Variants in CEP85L observed in about 807,000 individuals in gnomAD.
CEP85L encodes the protein centrosomal protein of 85 kDa-like.
CEP85L carries 60 observed loss-of-function variants against 100.3 expected under a neutral mutation model. The ratio of observed to expected loss-of-function variants is 0.60; its 90% CI spans 0.49 to 0.74. CEP85L has a LOEUF of 0.74. Ranked by LOEUF, CEP85L falls within the 30% of genes least tolerant of loss-of-function variation. CEP85L has a pLI of 0.00. For missense variants in CEP85L, 973 were observed against 936.2 expected, an observed-to-expected ratio of 1.04 and a Z score of -0.51; for synonymous variants, 319 against 322.7, an observed-to-expected ratio of 0.99 and a Z score of 0.12.
intron 1 of CEP85L, chr6:118,664,437 G>T (rs1242810595): frequency 1.3e-5 from 2 of 152,514 alleles, no homozygotes; most frequent in Non-Finnish European, 2.9e-5. Flanking sequence ...AGGAAGGGGA[G>T]ATCTGTCAGG....
intron 1 of CEP85L, among the ~76,000 whole-genome samples, chr6:118,709,556 TGAGAGAGA>T (rs150548831): frequency 7.0e-6 from 1 of 142,222 alleles, no homozygotes; most frequent in African/African-American, 2.8e-5. Context: ...TGTGTGTGTG[TGAGAGAGA>T]GAGAGAGAGA....
chr6:118,492,262 TAAA>T (rs1333432046), intron 5 of CEP85L, among the ~76,000 whole-genome samples: 1 of 152,028 alleles, frequency 6.6e-6, no homozygotes, highest in African/African-American at 2.4e-5. Context: ...AGTAAATAAA[TAAA>T]AACTAAAGAA....
At position 118,490,748 on chromosome 6, in the gene CEP85L, A is replaced by C. The variant is rs187966853; in HGVS notation, c.1437+938T>G. 2.6e-5 allele frequency among the ~76,000 whole-genome samples: 4 copies of C among 152,296 alleles called. No individual in the cohort carries two copies. The Middle Eastern group carries it at 0.01, about 389-fold the overall frequency. On this transcript the variant is annotated intron_variant, in intron 6 of 12. Transcript: ENST00000368491. The stretch of plus-strand genomic sequence containing the variant: ...CTGTAGTATATCTTTATAATGAAAA[A>C]CACTACTCAGCAATAGATAGAAACT...
chr6:118,588,907 G>A (rs1781018403), intron 2 of CEP85L, among the ~76,000 whole-genome samples: 1 of 152,182 alleles, frequency 6.6e-6, no homozygotes, highest in Non-Finnish European at 1.5e-5. Flanking sequence ...GCCGGAAAGA[G>A]TCATCACCCA....
At chr6:118,601,630 T>G (rs1781792304) in intron 2 of CEP85L, among the ~76,000 whole-genome samples, 1 of 152,222 alleles carries the variant, frequency 6.6e-6, no homozygotes, top group Non-Finnish European at 1.5e-5. Context: ...CAATGGCTAC[T>G]CCACAGACAG....
At chr6:118,659,035 T>A (rs34496399) in intron 1 of CEP85L, among the ~76,000 whole-genome samples, 14,887 of 152,206 alleles carry the variant, frequency 0.098, 860 homozygotes, top group African/African-American at 0.14. Flanking sequence ...AGACTTTTTT[T>A]ACAAGCAAGA....
chr6:118,695,485 G>C (rs1777176068), intron 1 of CEP85L, among the ~76,000 whole-genome samples: 2 of 152,156 alleles, frequency 1.3e-5, no homozygotes, highest in Non-Finnish European at 1.5e-5. Flanking sequence ...TTAAACATCA[G>C]TTGCTGTGCC....
At chr6:118,605,452 A>G (rs897018872) in intron 2 of CEP85L, among the ~76,000 whole-genome samples, 5 of 152,130 alleles carry the variant, frequency 3.3e-5, no homozygotes, top group Admixed American at 3.3e-4. Flanking sequence ...CTTAAAGTAT[A>G]TTTCCTACCT....
At chr6:118,501,783 G>T in intron 5 of CEP85L, 1 of 1,021,178 alleles carries the variant, frequency 9.8e-7, no homozygotes. Flanking sequence ...ACATCTCACA[G>T]AGTGGGGAGG....
intron 12 of CEP85L, among the ~76,000 whole-genome samples, chr6:118,468,319 C>CAGCT (rs931337348): frequency 7.6e-4 from 116 of 152,268 alleles, no homozygotes; most frequent in African/African-American, 2.7e-3. Context: ...TAATATTAGG[C>CAGCT]AGCTACTAAA....
chr6:118,602,515 AGTCAGAGATCACCTG>A (rs1781837827), intron 2 of CEP85L, among the ~76,000 whole-genome samples: 1 of 152,236 alleles, frequency 6.6e-6, no homozygotes, highest in Non-Finnish European at 1.5e-5. Context: ...TCTGAGCAAC[AGTCAGAGATCACCTG>A]GTTGGTTCAC....
chr6:118,697,316 T>C (rs560538828), intron 1 of CEP85L, among the ~76,000 whole-genome samples: 1 of 152,188 alleles, frequency 6.6e-6, no homozygotes, highest in Non-Finnish European at 1.5e-5. Context: ...CGTATGATAG[T>C]CCCATTTTGA....
chr6:118,629,045 A>G (rs9489480), intron 2 of CEP85L, among the ~76,000 whole-genome samples: 4,392 of 152,314 alleles, frequency 0.029, 104 homozygotes, highest in African/African-American at 0.056. Flanking sequence ...AACAATAAAA[A>G]TAATCAAACT....
At chr6:118,599,145 A>G (rs1478121229) in intron 2 of CEP85L, among the ~76,000 whole-genome samples, 1 of 152,208 alleles carries the variant, frequency 6.6e-6, no homozygotes, top group African/African-American at 2.4e-5. Context: ...TATGTCCAGC[A>G]CCCAGATCTT....
At chr6:118,646,639 T>A (rs1442562598) in intron 1 of CEP85L, among the ~76,000 whole-genome samples, 3 of 152,108 alleles carry the variant, frequency 2.0e-5, no homozygotes, top group Non-Finnish European at 4.4e-5. Flanking sequence ...CCAGCCTGGG[T>A]GACAGAATGA....
At chr6:118,484,777 C>A (rs1222971059) in intron 6 of CEP85L, among the ~76,000 whole-genome samples, 1 of 151,602 alleles carries the variant, frequency 6.6e-6, no homozygotes, top group African/African-American at 2.4e-5. Flanking sequence ...GTTACGTTAA[C>A]AGACTTGCAG....
intron 1 of CEP85L, among the ~76,000 whole-genome samples, chr6:118,707,117 C>A (rs1375681815): frequency 6.6e-6 from 1 of 152,100 alleles, no homozygotes; most frequent in Non-Finnish European, 1.5e-5. Flanking sequence ...AACTCTGTGA[C>A]CCCAAGTACT....
At chr6:118,516,809 G>GTTTTAGGC (rs1776308354) in intron 4 of CEP85L, among the ~76,000 whole-genome samples, 1 of 152,206 alleles carries the variant, frequency 6.6e-6, no homozygotes, top group Non-Finnish European at 1.5e-5. Context: ...TTTTAGACAT[G>GTTTTAGGC]AAGCCTTTGC....
chr6:118,503,262 T>A (rs1292861772), intron 5 of CEP85L, among the ~76,000 whole-genome samples: 2 of 152,204 alleles, frequency 1.3e-5, no homozygotes, highest in African/African-American at 4.8e-5. Context: ...TGAAGACAAC[T>A]ATAAAACTCT....
Sources: gnomAD v4.1 joint callset for allele counts (sites outside exome capture counted in the v4.1 genomes callset) on GRCh38, gnomAD v4.1.1 for gene constraint, MANE v1.5 for transcripts, NCBI Gene and HGNC (gene_info 2026-07-23, HGNC 2026-07-21) for gene names.